The following N4BP2 variants were observed in gnomAD, a reference collection of about 807,000 sequenced individuals.
N4BP2 encodes the protein NEDD4 binding protein 2.
N4BP2 carries 91 observed loss-of-function variants against 152.8 expected under a neutral mutation model. That is an observed-to-expected ratio of 0.60 (90% CI 0.50 to 0.71). The LOEUF (loss-of-function observed/expected upper bound fraction) is 0.71, where lower values mean the gene tolerates loss of function less well. Among genes scored for constraint, N4BP2 ranks in the 30% least tolerant of loss-of-function variants. N4BP2 has a pLI of 0.00. For synonymous variants in N4BP2, 646 were observed against 705.3 expected (o/e 0.92, Z 1.33); for missense variants, 1,923 against 2,059.1 (o/e 0.93, Z 1.28).
chr4:40,168,526 A>G, the N4BP2 span, among the ~76,000 whole-genome samples: 2 of 152,168 alleles, frequency 1.3e-5, no homozygotes, highest in African/African-American at 4.8e-5. Flanking sequence ...ACAATATCAT[A>G]AAGATATAAA....
intron 14 of N4BP2, chr4:40,142,332 G>A: frequency 6.2e-6 from 2 of 322,336 alleles, no homozygotes; most frequent in South Asian, 3.4e-5. Context: ...CTGGAGTTGG[G>A]CTGGGGGTGA....
chr4:40,187,812 T>G, the N4BP2 span, among the ~76,000 whole-genome samples: 2 of 152,192 alleles, frequency 1.3e-5, no homozygotes, highest in Non-Finnish European at 1.5e-5. Flanking sequence ...GTTCACATCA[T>G]CAGCAGAAAC....
chr4:40,120,578 C>T lies in N4BP2; in HGVS notation c.2467C>T (p.Gln823Ter). The change falls in exon 9 of 18, where the codon CAG becomes TAG. Residue 823 changes from glutamine (Q) to a stop codon, truncating the protein, a stop_gained. Coordinates refer to ENST00000261435, the MANE Select transcript of N4BP2 (RefSeq NM_018177.6). LOFTEE classifies it high-confidence loss of function. ...VQSDKKYNYPQSHKLVNSVSV... is the reference protein window; with the variant it reads ...VQSDKKYNYP The stretch of plus-strand genomic sequence containing the variant: ...AAGCGACAAAAAGTATAATTACCCT[C>T]AGTCACACAAATTAGTTAACAGTGT... 3.1e-6 allele frequency: 5 copies of T among 1,614,130 alleles called. No homozygotes were observed. Among genetic ancestry groups the T allele is most frequent in the Non-Finnish European group, 4.2e-6 (5 of 1,180,026 alleles).
At chr4:40,069,633 C>T (rs992508997) in intron 1 of N4BP2, among the ~76,000 whole-genome samples, 1 of 152,134 alleles carries the variant, frequency 6.6e-6, no homozygotes, top group South Asian at 2.1e-4. Context: ...TTTGGCCAGG[C>T]ACAGTTGCCC....
chr4:40,130,325 C>T (rs1718803216), intron 12 of N4BP2, among the ~76,000 whole-genome samples: 1 of 152,090 alleles, frequency 6.6e-6, no homozygotes, highest in African/African-American at 2.4e-5. Flanking sequence ...CCACTGCACC[C>T]AGCCAGAAAT....
In N4BP2 at chr4:40,087,800, T is replaced by C. The variant is rs181509153; in HGVS notation, c.-114-9427T>C. Among the ~76,000 whole-genome samples the C allele has an allele frequency of 1.1e-4, 17 of 152,232 alleles. No homozygotes were observed. The East Asian group carries it at 2.9e-3, about 26-fold the overall frequency. ...TGGAGTGTCTCTCTGTTGCCCAGGC[T>C]GAATGGCTCGATCTCGGCTTACTGC... On this transcript the variant is annotated intron_variant, in intron 2 of 17. Transcript: ENST00000261435.
the N4BP2 span, among the ~76,000 whole-genome samples, chr4:40,173,794 C>G: frequency 6.6e-6 from 1 of 152,312 alleles, no homozygotes; most frequent in Non-Finnish European, 1.5e-5. Flanking sequence ...ACCAGTATTT[C>G]CTTTTCTCTG....
rs1468165469 is a variant in N4BP2 at position 40,120,550 on chromosome 4, A to G, written c.2439A>G (p.Val813=). The change falls in exon 9 of 18, where the codon GTA becomes GTG. Residue 813 remains valine (V), a synonymous_variant. Coordinates refer to ENST00000261435, the MANE Select transcript of N4BP2 (RefSeq NM_018177.6). The part of the protein sequence containing the change: ...RNRKTEKTSS[V]QSDKKYNYPQ... The stretch of plus-strand genomic sequence containing the variant: ...GAAAAACTGAAAAAACTTCATCCGT[A>G]CAAAGCGACAAAAAGTATAATTACC... 1.9e-6 allele frequency: 3 copies of G among 1,614,004 alleles called. No individual in the cohort carries two copies. The East Asian group carries it at 6.7e-5, about 36-fold the overall frequency.
Position 40,121,254 on chromosome 4 carries a change from G to A in N4BP2, c.3143G>A (p.Gly1048Glu), listed in dbSNP as rs746046604. 59 of 1,613,270 alleles carry A rather than the reference G, an allele frequency of 3.7e-5. No individual in the cohort carries two copies. The highest frequency in any genetic ancestry group is 1.3e-4 in the Admixed American group (8 of 59,774). ...AAAGTATTAACAGGAAGATTAGATG[G>A]ATTTAAGCCGAAAGTTTTCAATATT... ...SIKVLTGRLD[G>E]FKPKVFNINT... The change falls in exon 9 of 18, where the codon GGA becomes GAA. Residue 1048 changes from glycine to glutamate, a missense_variant. Transcript: ENST00000261435.
At chr4:40,068,048 T>A (rs747027921) in intron 1 of N4BP2, among the ~76,000 whole-genome samples, 125 of 152,162 alleles carry the variant, frequency 8.2e-4, no homozygotes, top group Non-Finnish European at 1.9e-4. Flanking sequence ...CTCATTGTGG[T>A]TTTAATTTGT....
the N4BP2 span, among the ~76,000 whole-genome samples, chr4:40,163,669 G>A: frequency 1.6e-3 from 250 of 152,342 alleles, 1 homozygote; most frequent in African/African-American, 5.8e-3. Flanking sequence ...CCAAGCCAAT[G>A]TGCTAAGGAT....
chr4:40,079,405 C>T (rs767399524), intron 2 of N4BP2, among the ~76,000 whole-genome samples: 3 of 148,886 alleles, frequency 2.0e-5, no homozygotes, highest in Non-Finnish European at 3.0e-5. Context: ...GTGTGAGCCA[C>T]TGTGCCCACC....
intron 4 of N4BP2, among the ~76,000 whole-genome samples, chr4:40,104,412 T>G (rs1191136523): frequency 5.7e-5 from 1 of 17,436 alleles, no homozygotes; most frequent in Non-Finnish European, 1.9e-4. Flanking sequence ...ATTTTTAGTT[T>G]TTTTTTTTTG....
rs555295024 is a variant in N4BP2 at position 40,077,143 on chromosome 4, A to ATGTG, written c.-115+3608_-115+3611dup. On this transcript the variant is annotated intron_variant, in intron 2 of 17. Coordinates refer to ENST00000261435, the MANE Select transcript of N4BP2 (RefSeq NM_018177.6). ...ATATTGAATATTATGTAGAATATAT[A>ATGTG]TGTGTGTGTGTGTGTGTGTATTTTT... is the stretch of plus-strand genomic sequence containing the variant. Among the ~76,000 whole-genome samples, 218 of 150,888 alleles carry ATGTG rather than the reference A, an allele frequency of 1.4e-3. 1 individual carries two copies. In the South Asian group the frequency reaches 0.015, roughly 11 times the overall value.
chr4:40,089,529 TG>T (rs1271964125), intron 2 of N4BP2, among the ~76,000 whole-genome samples: 1 of 148,048 alleles, frequency 6.8e-6, no homozygotes, highest in Non-Finnish European at 1.5e-5. Context: ...CTCTGCCTCC[TG>T]GGTTCAAACC....
chr4:40,174,250 G>A, the N4BP2 span, among the ~76,000 whole-genome samples: 34 of 151,970 alleles, frequency 2.2e-4, no homozygotes, highest in Non-Finnish European at 4.3e-4. Flanking sequence ...GGTAGTGCAT[G>A]CCTGTAGTCC....
In N4BP2 at chr4:40,121,184, T is replaced by C; in HGVS notation, c.3073T>C (p.Leu1025=). The change falls in exon 9 of 18, where the codon TTA becomes CTA. Residue 1025 remains leucine (L), a synonymous_variant. Coordinates refer to ENST00000261435, the MANE Select transcript of N4BP2 (RefSeq NM_018177.6). ...GACTGAACCACAGGATTTTGCTCTT[T>C]TATGGAAAATAGAAAAGAATAAAAT... ...TQTEPQDFAL[L]WKIEKNKISI... 1 of 1,614,088 alleles carries C rather than the reference T, an allele frequency of 6.2e-7. No individual in the cohort carries two copies. Among genetic ancestry groups the C allele is most frequent in the Non-Finnish European group, 8.5e-7 (1 of 1,180,022 alleles).
intron 8 of N4BP2, 43 bp downstream of exon 8, chr4:40,118,067 A>T: frequency 7.0e-7 from 1 of 1,436,254 alleles, no homozygotes; most frequent in Non-Finnish European, 9.3e-7. Context: ...TTTGAAATAT[A>T]ATTTTTAAAA....
chr4:40,159,476 T>G (rs187134414), downstream of N4BP2, among the ~76,000 whole-genome samples: 105 of 152,338 alleles, frequency 6.9e-4, no homozygotes, highest in African/African-American at 2.4e-3. Context: ...ATAATGGCCC[T>G]CATTTTCCTA....
Sources: allele counts gnomAD v4.1 joint callset (sites outside exome capture counted in the v4.1 genomes callset), GRCh38; gene constraint gnomAD v4.1.1; transcripts MANE v1.5; gene names NCBI Gene and HGNC (gene_info 2026-07-23, HGNC 2026-07-21).